The following CDKAL1 variants were observed in gnomAD, a reference collection of about 807,000 sequenced individuals.
CDKAL1 encodes threonylcarbamoyladenosine tRNA methylthiotransferase.
Under a neutral mutation model 68.2 loss-of-function variants are expected in CDKAL1, and 32 were observed. That is an observed-to-expected ratio of 0.47 (90% confidence interval 0.35 to 0.63). CDKAL1 has a LOEUF of 0.63. Among genes scored for constraint, CDKAL1 ranks in the 30% least tolerant of loss-of-function variants. The pLI is 0.00. For synonymous variants in CDKAL1, 234 were observed against 244.3 expected (o/e 0.96, Z 0.39); for missense variants, 606 against 696.7 (o/e 0.87, Z 1.47).
chr6:21,103,135 A>G (rs1207470957), intron 12 of CDKAL1, among the ~76,000 whole-genome samples: 1 of 152,228 alleles, frequency 6.6e-6, no homozygotes, highest in Admixed American at 6.5e-5. Context: ...ACACCATTTT[A>G]TTTGGGAAAA....
intron 9 of CDKAL1, among the ~76,000 whole-genome samples, chr6:20,846,667 C>T (rs778177477): frequency 2.6e-5 from 4 of 152,170 alleles, no homozygotes; most frequent in Non-Finnish European, 4.4e-5. Flanking sequence ...GACTGTCAGA[C>T]CACTAAAGAT....
chr6:21,096,831 C>G (rs940511794), intron 12 of CDKAL1, among the ~76,000 whole-genome samples: 1 of 152,314 alleles, frequency 6.6e-6, no homozygotes, highest in East Asian at 1.9e-4. Flanking sequence ...TTGCCCCACA[C>G]TATCTGCTAG....
chr6:20,681,737 C>T (rs111389287), intron 5 of CDKAL1, among the ~76,000 whole-genome samples: 208 of 152,096 alleles, frequency 1.4e-3, no homozygotes, highest in African/African-American at 4.8e-3. Context: ...ACTCCAGAAG[C>T]GAGAGATGGG....
At chr6:21,002,323 T>C (rs1428034638) in intron 11 of CDKAL1, among the ~76,000 whole-genome samples, 4 of 152,166 alleles carry the variant, frequency 2.6e-5, no homozygotes, top group Admixed American at 1.3e-4. Context: ...GGATCTCTAG[T>C]ATTTCTAGCA....
rs116812902 is a variant in CDKAL1 at position 20,929,085 on chromosome 6, G to T, written c.743-26334G>T. Among the ~76,000 whole-genome samples, 780 of 152,248 alleles carry T rather than the reference G, an allele frequency of 5.1e-3. 4 individuals are homozygous for T. Among genetic ancestry groups the T allele is most frequent in the Middle Eastern group, 0.01 (3 of 294 alleles). Reference sequence around the variant, plus strand: ...GCAGTTTTAACCCTATACAGTGGAAGTGTAGCCTTTCCTTCTTCCAGGAAT... The same window carrying T: ...GCAGTTTTAACCCTATACAGTGGAATTGTAGCCTTTCCTTCTTCCAGGAAT... On this transcript the variant is annotated intron_variant, in intron 9 of 15. Transcript: ENST00000274695.
chr6:20,812,060 A>G (rs1288136078), intron 8 of CDKAL1, among the ~76,000 whole-genome samples: 2 of 152,128 alleles, frequency 1.3e-5, no homozygotes, highest in Non-Finnish European at 2.9e-5. Flanking sequence ...CAAAATTTTG[A>G]TATTTTAATT....
intron 2 of CDKAL1, among the ~76,000 whole-genome samples, chr6:20,544,585 A>G (rs1382247800): frequency 7.8e-6 from 1 of 128,282 alleles, no homozygotes; most frequent in African/African-American, 3.3e-5. Flanking sequence ...CACAGAGCGA[A>G]ACTCCGTCTC....
rs186073096 is a variant in CDKAL1, at chr6:20,661,700, A to C, written c.371+12323A>C. On this transcript the variant is annotated intron_variant, in intron 5 of 15. Transcript: ENST00000274695. Reference sequence around the variant, plus strand: ...AGTTCAGAGGTGGTAGGCCATTTTAAAATGCAAAACTGAGTTTTGTAGATA... The same window carrying C: ...AGTTCAGAGGTGGTAGGCCATTTTACAATGCAAAACTGAGTTTTGTAGATA... Among the ~76,000 whole-genome samples, 55 of 152,318 alleles carry C rather than the reference A, an allele frequency of 3.6e-4. 1 individual carries two copies. Among genetic ancestry groups the C allele is most frequent in the Admixed American group, 3.2e-3 (49 of 15,286 alleles).
intron 13 of CDKAL1, among the ~76,000 whole-genome samples, chr6:21,159,430 G>A (rs1031655012): frequency 6.6e-6 from 1 of 152,122 alleles, no homozygotes; most frequent in African/African-American, 2.4e-5. Context: ...TCTTCCAAGG[G>A]AAACTAGAAT....
At chr6:21,071,425 G>A (rs532726967) in intron 12 of CDKAL1, among the ~76,000 whole-genome samples, 3 of 152,194 alleles carry the variant, frequency 2.0e-5, no homozygotes, top group Non-Finnish European at 2.9e-5. Context: ...CCAGCCATGC[G>A]GAACTGTGAG....
chr6:20,939,222 A>T (rs1763863716), intron 9 of CDKAL1, among the ~76,000 whole-genome samples: 2 of 152,158 alleles, frequency 1.3e-5, no homozygotes, highest in Non-Finnish European at 2.9e-5. Flanking sequence ...AGTATGTTAG[A>T]GGTACTTCTC....
rs182991345 is a variant in CDKAL1 at position 20,783,515 on chromosome 6, C to T, written c.638+2250C>T. On this transcript the variant is annotated intron_variant, in intron 8 of 15. Coordinates refer to ENST00000274695, the MANE Select transcript of CDKAL1 (RefSeq NM_017774.3). ...CTCAAAACTCCAGATTCTTCTCTGT[C>T]TTGACTGCAGGCCTCCCTGTAGGTT... Among the ~76,000 whole-genome samples the T allele has an allele frequency of 1.6e-4, 25 of 152,286 alleles. 1 individual carries two copies. Among genetic ancestry groups the T allele is most frequent in the African/African-American group, 5.5e-4 (23 of 41,564 alleles).
intron 9 of CDKAL1, among the ~76,000 whole-genome samples, chr6:20,884,936 G>T (rs1298204526): frequency 6.6e-6 from 1 of 151,286 alleles, no homozygotes; most frequent in East Asian, 1.9e-4. Context: ...AGACCACCCT[G>T]AGCAACATAG....
intron 9 of CDKAL1, among the ~76,000 whole-genome samples, chr6:20,895,065 C>A (rs534217100): frequency 6.6e-6 from 1 of 152,166 alleles, no homozygotes; most frequent in Non-Finnish European, 1.5e-5. Context: ...TGTTGTGTAT[C>A]TTTTTTCTCT....
Position 21,163,547 on chromosome 6 carries a change from T to C in CDKAL1, c.1300-34474T>C, listed in dbSNP as rs868509207. ...CCCTCAAAAGTTCTTTAACCAATCA[T>C]CCAAAATCCTTACTGTGGAGGCCTC... On this transcript the variant is annotated intron_variant, in intron 13 of 15. Transcript: ENST00000274695. Among the ~76,000 whole-genome samples, 19 of 152,238 alleles carry C rather than the reference T, an allele frequency of 1.2e-4. 1 individual carries two copies. In the Middle Eastern group the frequency reaches 0.024, roughly 191 times the overall value.
At chr6:20,637,483 A>C (rs554153548) in intron 4 of CDKAL1, among the ~76,000 whole-genome samples, 13 of 152,180 alleles carry the variant, frequency 8.5e-5, no homozygotes, top group African/African-American at 2.9e-4. Context: ...GAATCGCTTG[A>C]ACCTGGGAGG....
chr6:20,998,862 A>G (rs1265453068), intron 10 of CDKAL1, among the ~76,000 whole-genome samples: 2 of 152,222 alleles, frequency 1.3e-5, no homozygotes, highest in Non-Finnish European at 2.9e-5. Context: ...ATTATTTTAA[A>G]CAACCGCTGC....
intron 13 of CDKAL1, among the ~76,000 whole-genome samples, chr6:21,137,930 A>G (rs1775697986): frequency 6.6e-6 from 1 of 152,236 alleles, no homozygotes; most frequent in South Asian, 2.1e-4. Context: ...TCTGTGTAGC[A>G]TACGCATATG....
At chr6:20,598,416 G>C (rs1765933617) in intron 4 of CDKAL1, among the ~76,000 whole-genome samples, 1 of 150,478 alleles carries the variant, frequency 6.6e-6, no homozygotes, top group Non-Finnish European at 1.5e-5. Context: ...CTGTGTAGTG[G>C]TGATTGAAAA....
Sources: gnomAD v4.1 joint callset for allele counts (sites outside exome capture counted in the v4.1 genomes callset) on GRCh38, gnomAD v4.1.1 for gene constraint, MANE v1.5 for transcripts, NCBI Gene and HGNC (gene_info 2026-07-23, HGNC 2026-07-21) for gene names.